Variants in WNK2 observed in about 807,000 individuals in gnomAD.
WNK2 encodes the protein WNK lysine deficient protein kinase 2.
In WNK2, 67 loss-of-function variants were observed where a neutral mutation model predicts 192.1. The observed-to-expected ratio is 0.35, with a 90% CI of 0.29 to 0.43. The LOEUF (loss-of-function observed/expected upper bound fraction) is 0.43. WNK2 is among the 20% of genes least tolerant of loss of function. The pLI, the probability that WNK2 is intolerant of heterozygous loss-of-function variation, is 1.00. For synonymous variants in WNK2, 1,439 were observed against 1,393.9 expected, an observed-to-expected ratio of 1.03 and a Z score of -0.72; for missense variants, 2,698 against 3,089.7, an observed-to-expected ratio of 0.87 and a Z score of 3.01.
chr9:93,265,528 C>T (rs1389442422), intron 16 of WNK2, among the ~76,000 whole-genome samples: 1 of 152,238 alleles, frequency 6.6e-6, no homozygotes, highest in East Asian at 1.9e-4. Flanking sequence ...CAGCAGCAAG[C>T]AGCTGGTTCG....
intron 25 of WNK2, 98 bp downstream of exon 25, chr9:93,299,359 G>A: frequency 7.6e-7 from 1 of 1,314,758 alleles, no homozygotes. Flanking sequence ...GGGGTTGCAA[G>A]CTGTGGCAAA....
At chr9:93,278,556 G>C (rs1029215775) in intron 19 of WNK2, among the ~76,000 whole-genome samples, 1 of 152,230 alleles carries the variant, frequency 6.6e-6, no homozygotes, top group Admixed American at 6.5e-5. Flanking sequence ...TCACCTGTCA[G>C]ATCTTAAGAG....
chr9:93,300,004 A>G (rs1358290989), intron 25 of WNK2, 47 bp from the exon 26 acceptor site: 5 of 1,530,948 alleles, frequency 3.3e-6, no homozygotes. Context: ...AGCAACCTGT[A>G]CTTGATGAGT....
chr9:93,308,218 C>T, intron 27 of WNK2, 110 bp from the exon 28 acceptor site: 8 of 1,469,686 alleles, frequency 5.4e-6, no homozygotes, highest in Non-Finnish European at 7.2e-6. Flanking sequence ...CTGCCTGGCC[C>T]AAGTGAGACC....
chr9:93,294,305 A>C (rs1849888242), intron 23 of WNK2, among the ~76,000 whole-genome samples: 1 of 152,142 alleles, frequency 6.6e-6, no homozygotes, highest in Admixed American at 6.5e-5. Flanking sequence ...TGAGGAGGGA[A>C]CTGGAGCTGC....
chr9:93,318,421 G>A (rs1410073051), intron 29 of WNK2: 24 of 1,613,982 alleles, frequency 1.5e-5, no homozygotes, highest in Middle Eastern at 1.6e-4. Context: ...GAGAGACGGC[G>A]GGACGCTGGG....
chr9:93,260,145 C>A lies in WNK2; in HGVS notation c.3066+531C>A, dbSNP rs555324710. On this transcript the variant is annotated intron_variant, in intron 12 of 29. Coordinates refer to ENST00000427277, the MANE Select transcript of WNK2 (RefSeq NM_006648.4). ...GGCCATGTCCTGATGTCAGGTCAGG[C>A]GGATACCTCGTGGCAGCATGCTGGC... Among the ~76,000 whole-genome samples the A allele has an allele frequency of 2.0e-5, 3 of 152,204 alleles. No individual in the cohort carries two copies. In the South Asian group the frequency reaches 6.2e-4, roughly 32 times the overall value.
intron 26 of WNK2, among the ~76,000 whole-genome samples, chr9:93,304,162 T>C (rs1195689763): frequency 6.6e-6 from 1 of 152,252 alleles, no homozygotes; most frequent in East Asian, 1.9e-4. Context: ...TTGGTTGAGA[T>C]GTCTTCTTGG....
In WNK2 at chr9:93,239,524, G is replaced by GT. The variant is rs375625672; in HGVS notation, c.1323-221dup. Among the ~76,000 whole-genome samples the GT allele has an allele frequency of 2.2e-3, 321 of 146,474 alleles. No individual in the cohort carries two copies. The highest frequency in any genetic ancestry group is 7.0e-3 in the Middle Eastern group (2 of 284). On this transcript the variant is annotated intron_variant, in intron 6 of 29. Coordinates refer to ENST00000427277, the MANE Select transcript of WNK2 (RefSeq NM_006648.4). The surrounding 1 kb of genome is among the most constrained non-coding windows in gnomAD (Gnocchi z 4.2). Reference sequence around the variant, plus strand: ...GTATCATTGAATCTTTTATGAGCATGTTTTTTTTTTTTATAATGAGGGGGA... The same window carrying GT: ...GTATCATTGAATCTTTTATGAGCATGTTTTTTTTTTTTTATAATGAGGGGGA...
chr9:93,252,789 T>A, intron 8 of WNK2, 94 bp from the exon 9 acceptor site: 4 of 1,188,268 alleles, frequency 3.4e-6, no homozygotes, highest in Non-Finnish European at 3.4e-6. Flanking sequence ...GAAACAAGCC[T>A]TTATTTTGCA....
At chr9:93,185,880 C>T (rs1026050017) in intron 2 of WNK2, among the ~76,000 whole-genome samples, 9 of 152,196 alleles carry the variant, frequency 5.9e-5, no homozygotes, top group African/African-American at 2.2e-4. Flanking sequence ...TAAGTGTGCA[C>T]GCTGTGGGCG....
In WNK2 at chr9:93,299,060, C is replaced by A; in HGVS notation, c.5924-10C>A. The A allele has an allele frequency of 1.2e-6, 2 of 1,607,494 alleles. No individual in the cohort carries two copies. Among genetic ancestry groups the A allele is most frequent in the Non-Finnish European group, 1.7e-6 (2 of 1,177,808 alleles). ...TCATCGTGCCTGTCGCCTCTTCTCC[C>A]CCCGCCCAGGTCACTTGGCTGACTC... is the stretch of plus-strand genomic sequence containing the variant. On this transcript the variant is annotated splice_polypyrimidine_tract_variant and intron_variant, in intron 24 of 29. Transcript: ENST00000427277.
At chr9:93,197,595 T>A (rs1831502321) in intron 2 of WNK2, among the ~76,000 whole-genome samples, 1 of 152,098 alleles carries the variant, frequency 6.6e-6, no homozygotes, top group Non-Finnish European at 1.5e-5. Flanking sequence ...GGTGTGATCT[T>A]GGCTCACTGG....
chr9:93,231,182 C>T, intron 4 of WNK2, 74 bp downstream of exon 4: 7 of 1,428,582 alleles, frequency 4.9e-6, no homozygotes, highest in Non-Finnish European at 6.8e-6. Flanking sequence ...GGCGAGCATC[C>T]AGTTTTGTTC....
chr9:93,257,204 C>G lies in WNK2; in HGVS notation c.2382+65C>G. The G allele has an allele frequency of 2.0e-6, 3 of 1,519,224 alleles. No homozygotes were observed. The East Asian group carries it at 6.9e-5, about 35-fold the overall frequency. 94.1% of individuals were successfully genotyped at this position (1,519,224 alleles called of 1,614,324 possible). The stretch of plus-strand genomic sequence containing the variant: ...GCTTTGCCAGGCCCTGGCTGGTGCA[C>G]TAGGACACCCACAGAGGGGGTTGTC... On this transcript the variant is annotated intron_variant, in intron 11 of 29. Coordinates refer to ENST00000427277, the MANE Select transcript of WNK2 (RefSeq NM_006648.4). This position sits in a 1 kb window ranked among gnomAD's most constrained non-coding sequence, Gnocchi z 4.7.
At chr9:93,274,515 CA>C (rs67350876) in intron 19 of WNK2, among the ~76,000 whole-genome samples, 80,653 of 118,672 alleles carry the variant, frequency 0.68, 26,188 homozygotes, top group East Asian at 0.79. Context: ...CCGTCTCAAC[CA>C]AAAAAAAAAA....
chr9:93,292,470 C>A, intron 22 of WNK2, 21 bp from the exon 23 acceptor site: 1 of 1,609,680 alleles, frequency 6.2e-7, no homozygotes, highest in South Asian at 1.1e-5. Flanking sequence ...GAAACCTCTT[C>A]ATCTCCGCTT....
chr9:93,184,958 T>C lies in WNK2; in HGVS notation c.29T>C (p.Val10Ala). Residue 10 changes from valine (V) to alanine (A), a missense_variant, in exon 2 of 30, where the codon GTC (valine) becomes GCC (alanine). Around this residue, in one of 7 missense-constraint regions of WNK2, gnomAD observed 260 missense variants for 285.6 expected, o/e 0.91. Transcript: ENST00000427277. MDGDGGRRD[V>A]PGTLMEPGRG... The stretch of plus-strand genomic sequence containing the variant: ...GACGGCGATGGCGGCCGCCGAGACG[T>C]CCCCGGCACGCTGATGGAGCCCGGG... 1.7e-6 allele frequency: 2 copies of C among 1,210,006 alleles called. No individual in the cohort carries two copies. Among genetic ancestry groups the C allele is most frequent in the East Asian group, 3.5e-5 (1 of 28,622 alleles). 75.0% of individuals were successfully genotyped at this position (1,210,006 alleles called of 1,614,324 possible). A position where few individuals can be genotyped will look rare whatever the true frequency, so the allele number is the denominator to read the frequency against.
intron 2 of WNK2, among the ~76,000 whole-genome samples, chr9:93,201,525 G>A (rs939719769): frequency 2.0e-5 from 3 of 152,224 alleles, no homozygotes; most frequent in African/African-American, 7.2e-5. Context: ...GTGTCAGCCT[G>A]GCCTGGCCTA....
Sources: gnomAD v4.1 joint callset for allele counts (sites outside exome capture counted in the v4.1 genomes callset) on GRCh38, gnomAD v4.1.1 for gene constraint, gnomAD v4.1.1 regional missense constraint, Gnocchi (gnomAD v3.1) non-coding constraint, MANE v1.5 for transcripts, NCBI Gene and HGNC (gene_info 2026-07-23, HGNC 2026-07-21) for gene names.